The following ATR variants were observed in gnomAD, a reference collection of about 807,000 sequenced individuals.
ATR encodes the protein serine/threonine-protein kinase ATR.
A neutral mutation model predicts 305.3 loss-of-function variants in ATR; 142 were observed. The observed-to-expected ratio is 0.47, with a 90% CI of 0.41 to 0.53. The LOEUF (loss-of-function observed/expected upper bound fraction) is 0.53, where lower values mean the gene tolerates loss of function less well. ATR is among the 20% of genes least tolerant of loss of function. ATR has a pLI of 0.00. For synonymous variants in ATR, 1,050 were observed against 1,068.1 expected (o/e 0.98, Z 0.33); for missense variants, 2,135 against 3,133.1 (o/e 0.68, Z 7.60).
Position 142,462,845 on chromosome 3 carries a change from C to T in ATR, c.7042-755G>A, listed in dbSNP as rs370545084. ...TCCTCAAAATGTATTGCTCCTCTTG[C>T]GGTTTATCACAACCTTATTTCTAAA... On this transcript the variant is annotated intron_variant, in intron 41 of 46. Transcript: ENST00000350721. Among the ~76,000 whole-genome samples the T allele has an allele frequency of 9.9e-5, 15 of 152,240 alleles. No individual in the cohort carries two copies. The East Asian group carries it at 2.1e-3, about 22-fold the overall frequency.
chr3:142,538,404 C>T, intron 19 of ATR, 78 bp downstream of exon 19: 2 of 1,479,890 alleles, frequency 1.4e-6, no homozygotes, highest in South Asian at 1.2e-5. Context: ...ACAGTTTCCA[C>T]ATTACCATCA....
At chr3:142,518,458 A>C (rs1389324552) in intron 24 of ATR, among the ~76,000 whole-genome samples, 2 of 152,230 alleles carry the variant, frequency 1.3e-5, no homozygotes, top group African/African-American at 4.8e-5. Flanking sequence ...TAGAGGCTGC[A>C]GTGAGCTGAT....
rs2108479717 is a variant in ATR at position 142,559,308 on chromosome 3, G to C, written c.1675C>G (p.Leu559Val). 1 of 1,613,982 alleles carries C rather than the reference G, an allele frequency of 6.2e-7. No homozygotes were observed. Among genetic ancestry groups the C allele is most frequent in the Non-Finnish European group, 8.5e-7 (1 of 1,179,948 alleles). ...SLLESVQKLD[L>V]EATIDKVVKI... Reference sequence around the variant, plus strand: ...ACCACCTTATCAATGGTTGCCTCCAGGTCCAGTTTCTGAACAGATTCTAAC... The same window carrying C: ...ACCACCTTATCAATGGTTGCCTCCACGTCCAGTTTCTGAACAGATTCTAAC... The change falls in exon 7 of 47, where the codon CTG (leucine) becomes GTG (valine). Residue 559 changes from leucine to valine, a missense_variant. This residue lies in a region of ATR where 744 missense variants were observed against 873.2 expected (regional missense o/e 0.85). Transcript: ENST00000350721.
chr3:142,522,971 T>TCACAGGACAAAGGAAAA, intron 22 of ATR, 130 bp from the exon 23 acceptor site: 1 of 754,190 alleles, frequency 1.3e-6, no homozygotes, highest in South Asian at 1.5e-5. Flanking sequence ...GAAAAGACAG[T>TCACAGGACAAAGGAAAA]GAGGTTCAAA....
chr3:142,494,612 G>A (rs1347255856), intron 34 of ATR, among the ~76,000 whole-genome samples: 2 of 152,152 alleles, frequency 1.3e-5, no homozygotes, highest in Non-Finnish European at 2.9e-5. Flanking sequence ...TTAGTGAAAG[G>A]CATTCTAGGT....
intron 24 of ATR, among the ~76,000 whole-genome samples, chr3:142,518,535 A>G (rs1452824470): frequency 6.6e-6 from 1 of 152,176 alleles, no homozygotes; most frequent in Non-Finnish European, 1.5e-5. Context: ...TAATAATAAC[A>G]GTAATAATTC....
intron 45 of ATR, among the ~76,000 whole-genome samples, chr3:142,456,144 C>T (rs1026981318): frequency 1.3e-5 from 2 of 151,498 alleles, no homozygotes; most frequent in Non-Finnish European, 2.9e-5. Context: ...GGCAAAACCC[C>T]TTCTCTGCTG....
At chr3:142,455,751 G>T (rs1220358668) in intron 45 of ATR, among the ~76,000 whole-genome samples, 1 of 152,168 alleles carries the variant, frequency 6.6e-6, no homozygotes. Context: ...ACAGATAAAA[G>T]ATTTAAATAG....
At position 142,561,233 on chromosome 3, in the gene ATR, G is replaced by A. The variant is rs746078117; in HGVS notation, c.1349+10C>T. ...ATGGCTAAATACAAACTGAATGAAG[G>A]TCATCATACTCCTCAGTCTGTTTTG... is the stretch of plus-strand genomic sequence containing the variant. On this transcript the variant is annotated intron_variant, in intron 5 of 46. Transcript: ENST00000350721. 6.2e-7 allele frequency: 1 copy of A among 1,611,748 alleles called. No individual in the cohort carries two copies. Among genetic ancestry groups the A allele is most frequent in the South Asian group, 1.1e-5 (1 of 91,020 alleles).
intron 8 of ATR, among the ~76,000 whole-genome samples, chr3:142,557,240 C>T (rs139220182): frequency 2.0e-5 from 3 of 151,754 alleles, no homozygotes; most frequent in African/African-American, 7.3e-5. Context: ...TAAATGGTGG[C>T]GATGCTACTG....
intron 28 of ATR, among the ~76,000 whole-genome samples, chr3:142,506,865 AAC>A (rs989158890): frequency 6.6e-6 from 1 of 152,162 alleles, no homozygotes; most frequent in Non-Finnish European, 1.5e-5. Context: ...TTACTAGAGA[AAC>A]ACAGCCAGCC....
chr3:142,510,749 G>A (rs1215605909), intron 27 of ATR, among the ~76,000 whole-genome samples: 2 of 151,902 alleles, frequency 1.3e-5, no homozygotes, highest in Admixed American at 1.3e-4. Flanking sequence ...CTTGATGTCT[G>A]TGAGAACAGC....
chr3:142,495,093 T>C (rs1263548184), intron 34 of ATR, among the ~76,000 whole-genome samples: 1 of 152,116 alleles, frequency 6.6e-6, no homozygotes, highest in Non-Finnish European at 1.5e-5. Flanking sequence ...GATGGAAGGA[T>C]GGAATAAAGT....
At chr3:142,513,787 G>T in intron 25 of ATR, 149 bp from the exon 26 acceptor site, 1 of 877,900 alleles carries the variant, frequency 1.1e-6, no homozygotes, top group Non-Finnish European at 1.7e-6. Flanking sequence ...ATTATTTGGG[G>T]TTAAAGTCAA....
chr3:142,479,872 A>G (rs543940137), intron 36 of ATR, among the ~76,000 whole-genome samples: 2 of 152,256 alleles, frequency 1.3e-5, no homozygotes, highest in African/African-American at 4.8e-5. Flanking sequence ...CTTCCAGTTG[A>G]TCGAATCGGC....
At chr3:142,465,632 T>G (rs1246810314) in intron 40 of ATR, 2 of 159,140 alleles carry the variant, frequency 1.3e-5, no homozygotes, top group East Asian at 3.6e-4. Context: ...GTAGTTTGAT[T>G]TTTGAAAAAA....
At chr3:142,479,820 G>A (rs945366128) in intron 36 of ATR, among the ~76,000 whole-genome samples, 7 of 151,206 alleles carry the variant, frequency 4.6e-5, no homozygotes, top group East Asian at 1.9e-4. Context: ...TTCTCTTCTC[G>A]CTTCATTTCA....
At chr3:142,525,486 A>C (rs2033339778) in intron 21 of ATR, among the ~76,000 whole-genome samples, 1 of 152,182 alleles carries the variant, frequency 6.6e-6, no homozygotes, top group Non-Finnish European at 1.5e-5. Flanking sequence ...AATTAACCTA[A>C]GGAGAACTGA....
At chr3:142,553,192 T>C (rs1215955306) in intron 13 of ATR, 35 bp downstream of exon 13, 1 of 1,601,778 alleles carries the variant, frequency 6.2e-7, no homozygotes, top group African/African-American at 1.3e-5. Context: ...AAAGTACTGC[T>C]GTTGCCTATA....
Sources: gnomAD v4.1 joint callset for allele counts (sites outside exome capture counted in the v4.1 genomes callset) on GRCh38, gnomAD v4.1.1 for gene constraint, gnomAD v4.1.1 regional missense constraint, MANE v1.5 for transcripts, NCBI Gene and HGNC (gene_info 2026-07-23, HGNC 2026-07-21) for gene names.